The following SPARCL1 variants were observed in gnomAD, a reference collection of about 807,000 sequenced individuals.
The protein encoded by SPARCL1 is SPARC-like protein 1.
Under a neutral mutation model 67.1 loss-of-function variants are expected in SPARCL1, and 52 were observed. The observed-to-expected ratio is 0.78, with a 90% CI of 0.62 to 0.98. The LOEUF (loss-of-function observed/expected upper bound fraction) is 0.98. SPARCL1 is among the 50% of genes least tolerant of loss of function. The pLI, the probability that SPARCL1 is intolerant of heterozygous loss-of-function variation, is 0.00. For synonymous variants in SPARCL1, 226 were observed against 267.8 expected (o/e 0.84, Z 1.52); for missense variants, 717 against 782.4 (o/e 0.92, Z 1.00).
At chr4:87,479,657 T>G in intron 9 of SPARCL1, 79 bp from the exon 10 acceptor site, 1 of 1,400,674 alleles carries the variant, frequency 7.1e-7, no homozygotes, top group Non-Finnish European at 9.9e-7. Flanking sequence ...CCAAGGACAT[T>G]TTTCTCCCAT....
At chr4:87,506,881 G>A (rs191271562) in intron 1 of SPARCL1, among the ~76,000 whole-genome samples, 2 of 151,986 alleles carry the variant, frequency 1.3e-5, no homozygotes, top group East Asian at 3.9e-4. Flanking sequence ...GGAGAACCTT[G>A]ACTAATAAAA....
chr4:87,518,678 G>A (rs901183046), intron 1 of SPARCL1, among the ~76,000 whole-genome samples: 9 of 152,152 alleles, frequency 5.9e-5, no homozygotes, highest in African/African-American at 2.2e-4. Flanking sequence ...CCATATTTTA[G>A]GAAATTATTG....
rs142792848 is a variant in SPARCL1, at chr4:87,508,889, G to GTATATATATATATATATA, written c.-11-9322_-11-9305dup. Among the ~76,000 whole-genome samples, 195 of 138,344 alleles carry GTATATATATATATATATA rather than the reference G, an allele frequency of 1.4e-3. 1 individual carries two copies. Among genetic ancestry groups the GTATATATATATATATATA allele is most frequent in the South Asian group, 3.5e-3 (15 of 4,228 alleles). The allele number at this position is 138,344 out of a possible 152,430, so 90.8% of individuals were successfully genotyped here. Reference sequence around the variant, plus strand: ...TACATATATAGATACATGTATATAAGTATATATATATATATATAGTATACA... The same window carrying GTATATATATATATATATA: ...TACATATATAGATACATGTATATAAGTATATATATATATATATATATATATATATATATATAGTATACA... On this transcript the variant is annotated intron_variant, in intron 1 of 10. Transcript: ENST00000282470.
chr4:87,483,995 T>C (rs1406468554), intron 7 of SPARCL1, among the ~76,000 whole-genome samples: 4 of 152,186 alleles, frequency 2.6e-5, no homozygotes, highest in Admixed American at 1.3e-4. Flanking sequence ...CTTAGTTAGA[T>C]TGACAGATTG....
At position 87,491,653 on chromosome 4, in the gene SPARCL1, G is replaced by A. The variant is rs747977397; in HGVS notation, c.1256C>T (p.Thr419Met). The change falls in exon 5 of 11, where the codon ACG (threonine) becomes ATG (methionine). Residue 419 changes from threonine to methionine, a missense_variant. Physicochemically the swap from Thr to Met is moderately conservative, Grantham distance 81. Coordinates refer to ENST00000282470, the MANE Select transcript of SPARCL1 (RefSeq NM_004684.6). ...KAENSSNEEE[T>M]SSEGNMRVHA... Reference sequence around the variant, plus strand: ...CACCCTCATGTTGCCTTCACTTGACGTTTCCTCCTCATTTGATGAGTTCTC... The same window carrying A: ...CACCCTCATGTTGCCTTCACTTGACATTTCCTCCTCATTTGATGAGTTCTC... 5.0e-6 allele frequency: 8 copies of A among 1,613,556 alleles called. No homozygotes were observed. Among genetic ancestry groups the A allele is most frequent in the African/African-American group, 2.7e-5 (2 of 74,872 alleles).
At chr4:87,504,135 TTGTGTG>T (rs70957258) in intron 1 of SPARCL1, among the ~76,000 whole-genome samples, 1,515 of 30,922 alleles carry the variant, frequency 0.049, 97 homozygotes, top group African/African-American at 0.13. Context: ...TGATTTGGTA[TTGTGTG>T]TGTGTGTGTG....
intron 5 of SPARCL1, 27 bp from the exon 6 acceptor site, chr4:87,490,905 A>G: frequency 1.5e-6 from 2 of 1,307,254 alleles, no homozygotes; most frequent in Non-Finnish European, 1.1e-6. Context: ...GGCAGGAAGC[A>G]TGGACAAAGT....
chr4:87,490,967 T>C (rs754230942), intron 5 of SPARCL1, 89 bp from the exon 6 acceptor site: 7 of 813,382 alleles, frequency 8.6e-6, no homozygotes, highest in African/African-American at 5.3e-5. Context: ...TTTTCACTAA[T>C]GAAGGGGAAA....
chr4:87,487,690 T>C lies in SPARCL1; in HGVS notation c.1531+2583A>G, dbSNP rs1053951165. Among the ~76,000 whole-genome samples, 3 of 152,358 alleles carry C rather than the reference T, an allele frequency of 2.0e-5. No homozygotes were observed. In the East Asian group the frequency reaches 5.8e-4, roughly 29 times the overall value. Reference sequence around the variant, plus strand: ...CTGGATAATATCCTGAAGAGTGTTTTCCAACTTGGTTCCATTCTCCTCATT... The same window carrying C: ...CTGGATAATATCCTGAAGAGTGTTTCCCAACTTGGTTCCATTCTCCTCATT... On this transcript the variant is annotated intron_variant, in intron 7 of 10. Coordinates refer to ENST00000282470, the MANE Select transcript of SPARCL1 (RefSeq NM_004684.6).
In SPARCL1 at chr4:87,493,757, CCATCATCGCCAT is replaced by C. The variant is rs768425128; in HGVS notation, c.1031_1042del (p.Asp344_Asp347del). On this transcript the variant is annotated inframe_deletion, in exon 4 of 11. Transcript: ENST00000282470. ...ACTGTGCCTGGGGCCATCAGTGCCG[CCATCATCGCCAT>C]CATCATCGCCATCATCATCAACTCC... The C allele has an allele frequency of 2.4e-5, 38 of 1,614,058 alleles. No individual in the cohort carries two copies. The highest frequency in any genetic ancestry group is 6.7e-5 in the African/African-American group (5 of 75,012).
chr4:87,525,952 CA>C (rs60379878), intron 1 of SPARCL1, among the ~76,000 whole-genome samples: 45,949 of 151,384 alleles, frequency 0.3, 7,634 homozygotes, highest in African/African-American at 0.42. Context: ...GACAAAAAAA[CA>C]AAAAAAAGAC....
chr4:87,522,996 C>CA (rs1725888894), intron 1 of SPARCL1, among the ~76,000 whole-genome samples: 1 of 152,228 alleles, frequency 6.6e-6, no homozygotes, highest in African/African-American at 2.4e-5. Context: ...CACAGTGGCT[C>CA]ATGCCTGTAA....
At chr4:87,509,985 C>T (rs1436425757) in intron 1 of SPARCL1, among the ~76,000 whole-genome samples, 1 of 152,160 alleles carries the variant, frequency 6.6e-6, no homozygotes, top group Admixed American at 6.5e-5. Context: ...GGGATAGATC[C>T]AACCTGTACT....
At chr4:87,489,989 A>G (rs531756336) in intron 7 of SPARCL1, among the ~76,000 whole-genome samples, 1 of 152,332 alleles carries the variant, frequency 6.6e-6, no homozygotes, top group East Asian at 1.9e-4. Flanking sequence ...AGTGGATAGC[A>G]TTATCATAGT....
intron 1 of SPARCL1, among the ~76,000 whole-genome samples, chr4:87,503,683 C>CTTTTTTTT (rs60057481): frequency 7.2e-6 from 1 of 138,056 alleles, no homozygotes; most frequent in Non-Finnish European, 1.5e-5. Flanking sequence ...TTTTTTTTTC[C>CTTTTTTTT]TTTTTTTTTT....
At chr4:87,474,919 T>C (rs1384392634) in intron 10 of SPARCL1, among the ~76,000 whole-genome samples, 1 of 151,724 alleles carries the variant, frequency 6.6e-6, no homozygotes, top group South Asian at 2.1e-4. Context: ...ATTTTTTGTA[T>C]TTTTAGTAGA....
chr4:87,479,297 C>T, intron 10 of SPARCL1, 133 bp downstream of exon 10: 1 of 890,914 alleles, frequency 1.1e-6, no homozygotes. Context: ...GGAGTCCTAT[C>T]TGGGAAGCTG....
At chr4:87,525,263 T>C (rs1213421987) in intron 1 of SPARCL1, among the ~76,000 whole-genome samples, 1 of 152,138 alleles carries the variant, frequency 6.6e-6, no homozygotes, top group African/African-American at 2.4e-5. Flanking sequence ...ACCTTTACCA[T>C]GGGTTAGATA....
rs143871566 is a variant in SPARCL1, at chr4:87,494,224, C to T, written c.576G>A (p.Glu192=). ...CTCCATTGGAAATATTTGGATCCTGCTCTTGGTTTCCTTGATCCCTTAGGC... is the reference window on the plus strand; with the variant it reads ...CTCCATTGGAAATATTTGGATCCTGTTCTTGGTTTCCTTGATCCCTTAGGC... ...SQGLRDQGNQ[E]QDPNISNGEE... The change falls in exon 4 of 11, where the codon GAG becomes GAA. Residue 192 remains glutamate, a synonymous_variant. Transcript: ENST00000282470. 56 of 1,614,002 alleles carry T rather than the reference C, an allele frequency of 3.5e-5. No individual in the cohort carries two copies. The highest frequency in any genetic ancestry group is 4.7e-5 in the Non-Finnish European group (55 of 1,180,052).
Sources: gnomAD v4.1 joint callset for allele counts (sites outside exome capture counted in the v4.1 genomes callset) on GRCh38, gnomAD v4.1.1 for gene constraint, MANE v1.5 for transcripts, NCBI Gene and HGNC (gene_info 2026-07-23, HGNC 2026-07-21) for gene names.